Variants in UVRAG observed in about 807,000 individuals in gnomAD.
UVRAG encodes the protein UV radiation resistance-associated gene protein.
UVRAG carries 19 observed loss-of-function variants against 78.0 expected under a neutral mutation model. The ratio of observed to expected loss-of-function variants is 0.24; its 90% CI spans 0.17 to 0.36. The LOEUF (loss-of-function observed/expected upper bound fraction) is 0.36, where lower values mean the gene tolerates loss of function less well. Ranked by LOEUF, UVRAG falls within the 10% of genes least tolerant of loss-of-function variation. The pLI, the probability that UVRAG is intolerant of heterozygous loss-of-function variation, is 1.00. For missense variants in UVRAG, 740 were observed against 853.8 expected (o/e 0.87, Z 1.66); for synonymous variants, 323 against 324.6 (o/e 1.00, Z 0.05).
At chr11:76,095,356 C>A (rs1268185694) in intron 13 of UVRAG, among the ~76,000 whole-genome samples, 3 of 152,012 alleles carry the variant, frequency 2.0e-5, no homozygotes, top group East Asian at 3.9e-4. Context: ...AAATTTGTTA[C>A]CACTTATCTA....
chr11:76,060,679 C>T (rs1400749926), intron 12 of UVRAG, among the ~76,000 whole-genome samples: 1 of 152,178 alleles, frequency 6.6e-6, no homozygotes, highest in Non-Finnish European at 1.5e-5. Context: ...GCCCTGCTGG[C>T]CCCAGGCAGT....
chr11:75,872,369 T>C (rs1421705232), intron 3 of UVRAG, among the ~76,000 whole-genome samples: 7 of 147,744 alleles, frequency 4.7e-5, no homozygotes, highest in Non-Finnish European at 1.0e-4. Flanking sequence ...CTTCCTCGTA[T>C]ACAAAAGTGA....
chr11:76,101,122 C>T (rs1013159046), intron 13 of UVRAG, among the ~76,000 whole-genome samples: 9 of 152,218 alleles, frequency 5.9e-5, no homozygotes, highest in African/African-American at 2.2e-4. Context: ...TGGATGTATA[C>T]CCAATAATTG....
chr11:75,839,378 T>A (rs1274381243), intron 1 of UVRAG, among the ~76,000 whole-genome samples: 3 of 152,128 alleles, frequency 2.0e-5, no homozygotes, highest in Non-Finnish European at 4.4e-5. Context: ...CCTTTGTGTT[T>A]ATAAAATAAT....
At chr11:75,917,910 A>G (rs1399787066) in intron 6 of UVRAG, among the ~76,000 whole-genome samples, 1 of 152,188 alleles carries the variant, frequency 6.6e-6, no homozygotes, top group Non-Finnish European at 1.5e-5. Context: ...CTCCTAGATG[A>G]AGAAATTAAG....
chr11:76,092,960 T>C (rs1301278466), intron 13 of UVRAG, among the ~76,000 whole-genome samples: 2 of 152,228 alleles, frequency 1.3e-5, no homozygotes, highest in Non-Finnish European at 1.5e-5. Context: ...AGGATTTTTA[T>C]GGTTTTAGGT....
At chr11:75,998,571 A>C (rs1463063135) in intron 8 of UVRAG, among the ~76,000 whole-genome samples, 2 of 152,234 alleles carry the variant, frequency 1.3e-5, no homozygotes, top group African/African-American at 2.4e-5. Flanking sequence ...TCAGAAAACT[A>C]GGATCTCAAG....
At chr11:76,081,039 G>A (rs929030525) in intron 13 of UVRAG, among the ~76,000 whole-genome samples, 1 of 152,134 alleles carries the variant, frequency 6.6e-6, no homozygotes, top group African/African-American at 2.4e-5. Context: ...TGTCCCCATT[G>A]TGTTCACATT....
intron 12 of UVRAG, among the ~76,000 whole-genome samples, chr11:76,063,513 A>G (rs1417424804): frequency 6.6e-6 from 1 of 152,198 alleles, no homozygotes; most frequent in African/African-American, 2.4e-5. Flanking sequence ...TGATTTTTCT[A>G]CTATTTATAG....
At chr11:76,135,655 A>C (rs17134594) in intron 14 of UVRAG, among the ~76,000 whole-genome samples, 9,676 of 152,250 alleles carry the variant, frequency 0.064, 583 homozygotes, top group African/African-American at 0.16. Context: ...GCATTAAACC[A>C]CAGATGTCAT....
At chr11:75,992,158 C>G (rs1949620392) in intron 8 of UVRAG, among the ~76,000 whole-genome samples, 1 of 152,120 alleles carries the variant, frequency 6.6e-6, no homozygotes, top group Non-Finnish European at 1.5e-5. Context: ...CAAGTTATGG[C>G]AGAGCCTGTG....
At chr11:75,961,856 C>T (rs1250657222) in intron 7 of UVRAG, among the ~76,000 whole-genome samples, 1 of 151,832 alleles carries the variant, frequency 6.6e-6, no homozygotes, top group Non-Finnish European at 1.5e-5. Flanking sequence ...TGAAAAATAG[C>T]CGCCAGGAGG....
At chr11:76,007,843 T>C (rs1459603715) in intron 10 of UVRAG, among the ~76,000 whole-genome samples, 1 of 152,200 alleles carries the variant, frequency 6.6e-6, no homozygotes, top group Non-Finnish European at 1.5e-5. Context: ...ACTCATCATC[T>C]GAAAGACTGC....
chr11:75,881,236 C>T (rs1199128587), intron 4 of UVRAG, among the ~76,000 whole-genome samples: 2 of 152,020 alleles, frequency 1.3e-5, no homozygotes, highest in Non-Finnish European at 2.9e-5. Flanking sequence ...CCTGTCACAC[C>T]GCCCCAGAAA....
rs1431750409 is a variant in UVRAG, at chr11:75,815,397, C to T, written c.-11C>T. 2.7e-5 allele frequency: 33 copies of T among 1,234,936 alleles called. No homozygotes were observed. Among genetic ancestry groups the T allele is most frequent in the Admixed American group, 4.2e-5 (1 of 23,704 alleles). The allele number at this position is 1,234,936 out of a possible 1,614,324, so 76.5% of individuals were successfully genotyped here. Reference sequence around the variant, plus strand: ...GTGCCCGCCCCGCCGCTTGGCGGCCCCTGGATCGAGATGAGCGCCTCCGCG... The same window carrying T: ...GTGCCCGCCCCGCCGCTTGGCGGCCTCTGGATCGAGATGAGCGCCTCCGCG... On this transcript the variant is annotated 5_prime_UTR_variant, in exon 1 of 15. Coordinates refer to ENST00000356136, the MANE Select transcript of UVRAG (RefSeq NM_003369.4).
intron 1 of UVRAG, among the ~76,000 whole-genome samples, chr11:75,846,856 C>T (rs530607047): frequency 6.6e-6 from 1 of 151,694 alleles, no homozygotes; most frequent in Admixed American, 6.6e-5. Flanking sequence ...CGGAGTCTTG[C>T]TCTGTCGCAT....
intron 3 of UVRAG, among the ~76,000 whole-genome samples, chr11:75,868,905 T>C (rs117401077): frequency 1.5e-4 from 23 of 152,322 alleles, no homozygotes; most frequent in Middle Eastern, 6.8e-3. Context: ...GATAGCTAAT[T>C]TGTGTGTGTT....
At chr11:76,047,508 A>G (rs73001509) in intron 12 of UVRAG, among the ~76,000 whole-genome samples, 6,699 of 152,146 alleles carry the variant, frequency 0.044, 224 homozygotes, top group Middle Eastern at 0.065. Flanking sequence ...TTCTCTCCCC[A>G]CTGGCACCCT....
rs200253982 is a variant in UVRAG at position 75,879,922 on chromosome 11, G to T, written c.314G>T (p.Arg105Leu). ...RSLDFGIMPD[R>L]LDTSVSCFVV... ...CTCGATTTTGGAATTATGCCAGACC[G>T]TCTTGATACATCTGTGTCTTGTTTC... is the stretch of plus-strand genomic sequence containing the variant. The change falls in exon 4 of 15, where the codon CGT becomes CTT. Residue 105 changes from arginine (R) to leucine (L), a missense_variant. By Grantham distance (102) the Arg-to-Leu change is moderately radical. Coordinates refer to ENST00000356136, the MANE Select transcript of UVRAG (RefSeq NM_003369.4). 1.2e-6 allele frequency: 2 copies of T among 1,614,178 alleles called. No homozygotes were observed. The highest frequency in any genetic ancestry group is 1.1e-5 in the South Asian group (1 of 91,080).
Sources: gnomAD v4.1 joint callset for allele counts (sites outside exome capture counted in the v4.1 genomes callset) on GRCh38, gnomAD v4.1.1 for gene constraint, MANE v1.5 for transcripts, NCBI Gene and HGNC (gene_info 2026-07-23, HGNC 2026-07-21) for gene names.